CGNL1: variants seen among roughly 807,000 people sequenced by gnomAD.
CGNL1 encodes cingulin-like protein 1.
A neutral mutation model predicts 141.2 loss-of-function variants in CGNL1; 132 were observed. The observed-to-expected ratio is 0.93, with a 90% CI of 0.81 to 1.08. The LOEUF (loss-of-function observed/expected upper bound fraction) is 1.08, where lower values mean the gene tolerates loss of function less well. Ranked by LOEUF, CGNL1 falls within the 50% of genes least tolerant of loss-of-function variation. The pLI, the probability that CGNL1 is intolerant of heterozygous loss-of-function variation, is 0.00. For missense variants in CGNL1, 1,870 were observed against 1,588.6 expected (o/e 1.18, Z -3.01); for synonymous variants, 690 against 622.1 (o/e 1.11, Z -1.63).
chr15:57,467,751 G>A (rs1817388672), intron 8 of CGNL1, among the ~76,000 whole-genome samples: 1 of 135,004 alleles, frequency 7.4e-6, no homozygotes, highest in East Asian at 2.4e-4. Context: ...GTGCAATGGT[G>A]TGATCTTGAC....
chr15:57,403,240 G>C (rs1297947786), intron 1 of CGNL1, among the ~76,000 whole-genome samples: 1 of 152,184 alleles, frequency 6.6e-6, no homozygotes, highest in Non-Finnish European at 1.5e-5. Flanking sequence ...AGCTTTGTCA[G>C]CCAGGTTGAA....
chr15:57,404,830 A>T (rs1166895849), intron 1 of CGNL1, among the ~76,000 whole-genome samples: 1 of 152,190 alleles, frequency 6.6e-6, no homozygotes, highest in Non-Finnish European at 1.5e-5. Flanking sequence ...TTGGGAATCA[A>T]GTTCATGTGG....
chr15:57,482,574 C>T (rs1180112219), intron 8 of CGNL1, among the ~76,000 whole-genome samples: 1 of 152,126 alleles, frequency 6.6e-6, no homozygotes, highest in African/African-American at 2.4e-5. Context: ...GCTTTTGAAC[C>T]TCTGTAAAAG....
At chr15:57,465,935 G>T (rs1231694120) in intron 8 of CGNL1, among the ~76,000 whole-genome samples, 1 of 152,180 alleles carries the variant, frequency 6.6e-6, no homozygotes, top group Non-Finnish European at 1.5e-5. Context: ...CTGTAATAGT[G>T]TATTTTGTAA....
Position 57,473,340 on chromosome 15 carries a change from G to A in CGNL1, c.2403+11448G>A, listed in dbSNP as rs371595958. Among the ~76,000 whole-genome samples the A allele has an allele frequency of 2.1e-4, 32 of 152,236 alleles. 1 individual carries two copies. The highest frequency in any genetic ancestry group is 6.7e-4 in the African/African-American group (28 of 41,518). On this transcript the variant is annotated intron_variant, in intron 8 of 18. Transcript: ENST00000281282. ...TTTTTACTTGGTGGAAAAATTTGGC[G>A]TTATGATTTGATCACTTTAAGCAGA...
chr15:57,541,078 A>G (rs1269478095), intron 14 of CGNL1, among the ~76,000 whole-genome samples: 2 of 152,212 alleles, frequency 1.3e-5, no homozygotes, highest in African/African-American at 2.4e-5. Context: ...TTATTGTATC[A>G]TTGGCCAGCT....
At position 57,484,359 on chromosome 15, in the gene CGNL1, C is replaced by G. The variant is rs2063761969; in HGVS notation, c.2403+22467C>G. Among the ~76,000 whole-genome samples, 6 of 152,156 alleles carry G rather than the reference C, an allele frequency of 3.9e-5. No individual in the cohort carries two copies. In the South Asian group the frequency reaches 1.2e-3, roughly 32 times the overall value. Reference sequence around the variant, plus strand: ...AGTTTGTACTTTTTAAGGAATTGGTCTATTTCATCTAAGTTGTCAGATGTG... The same window carrying G: ...AGTTTGTACTTTTTAAGGAATTGGTGTATTTCATCTAAGTTGTCAGATGTG... On this transcript the variant is annotated intron_variant, in intron 8 of 18. Coordinates refer to ENST00000281282, the MANE Select transcript of CGNL1 (RefSeq NM_032866.5).
At chr15:57,426,868 G>A (rs2062981476) in intron 1 of CGNL1, among the ~76,000 whole-genome samples, 1 of 152,058 alleles carries the variant, frequency 6.6e-6, no homozygotes, top group Non-Finnish European at 1.5e-5. Context: ...CATATAATTT[G>A]AGGCTAACAG....
rs774899735 is a variant in CGNL1, at chr15:57,439,106, A to G, written c.1107A>G (p.Arg369=). 1.1e-5 allele frequency: 17 copies of G among 1,614,066 alleles called. No homozygotes were observed. The African/African-American group carries it at 2.3e-4, about 22-fold the overall frequency. ...KFDQKPGLQR[R]GRSGKRNRIN... ...ATCAAAAACCTGGGCTTCAGAGAAGAGGAAGGTCTGGGAAGCGAAACAGAA... is the reference window on the plus strand; with the variant it reads ...ATCAAAAACCTGGGCTTCAGAGAAGGGGAAGGTCTGGGAAGCGAAACAGAA... The change falls in exon 2 of 19, where the codon AGA becomes AGG. Residue 369 remains arginine, a synonymous_variant. Transcript: ENST00000281282.
intron 8 of CGNL1, among the ~76,000 whole-genome samples, chr15:57,504,578 T>C (rs28586985): frequency 0.018 from 2,718 of 152,296 alleles, 82 homozygotes; most frequent in African/African-American, 0.062. Flanking sequence ...AAGAAAAGCT[T>C]ATTTCTTGCT....
chr15:57,411,636 G>T (rs1286585748), intron 1 of CGNL1, among the ~76,000 whole-genome samples: 1 of 151,816 alleles, frequency 6.6e-6, no homozygotes, highest in African/African-American at 2.4e-5. Context: ...GTAGAGATGA[G>T]GTTTCACCAT....
rs1297950559 is a variant in CGNL1, at chr15:57,398,066, C to T, written c.-16+21499C>T. Among the ~76,000 whole-genome samples the T allele has an allele frequency of 2.6e-5, 4 of 152,146 alleles. No homozygotes were observed. The East Asian group carries it at 7.7e-4, about 29-fold the overall frequency. On this transcript the variant is annotated intron_variant, in intron 1 of 18. Coordinates refer to ENST00000281282, the MANE Select transcript of CGNL1 (RefSeq NM_032866.5). ...AAAGTGCTGGGATTACAGGCGTGAG[C>T]CACCATACCCAGCACCATTTAAATT...
intron 8 of CGNL1, among the ~76,000 whole-genome samples, chr15:57,467,433 G>A (rs1310344150): frequency 2.6e-5 from 4 of 152,134 alleles, no homozygotes; most frequent in African/African-American, 9.7e-5. Context: ...TTGTAGGTGG[G>A]AAAGTGAGAT....
Position 57,430,746 on chromosome 15 carries a change from G to A in CGNL1, c.-15-7239G>A, listed in dbSNP as rs2063035149. On this transcript the variant is annotated intron_variant, in intron 1 of 18. Coordinates refer to ENST00000281282, the MANE Select transcript of CGNL1 (RefSeq NM_032866.5). Reference sequence around the variant, plus strand: ...TCCACATTTTCTTTTTTGAGATGGAGTCTCACTCTGTTGCCCAGGCTGGAG... The same window carrying A: ...TCCACATTTTCTTTTTTGAGATGGAATCTCACTCTGTTGCCCAGGCTGGAG... 2.0e-5 allele frequency among the ~76,000 whole-genome samples: 3 copies of A among 152,234 alleles called. No individual in the cohort carries two copies. In the South Asian group the frequency reaches 6.2e-4, roughly 32 times the overall value.
Position 57,423,238 on chromosome 15 carries a change from G to A in CGNL1, c.-15-14747G>A, listed in dbSNP as rs565199696. 2.6e-5 allele frequency among the ~76,000 whole-genome samples: 4 copies of A among 152,072 alleles called. No individual in the cohort carries two copies. The East Asian group carries it at 7.7e-4, about 29-fold the overall frequency. ...GACAACAGGCAACAGCCAGAGGAAG[G>A]AAAAAAGTAATAGTCCATAAAATTA... On this transcript the variant is annotated intron_variant, in intron 1 of 18. Coordinates refer to ENST00000281282, the MANE Select transcript of CGNL1 (RefSeq NM_032866.5).
chr15:57,401,824 T>C (rs2062663681), intron 1 of CGNL1, among the ~76,000 whole-genome samples: 1 of 152,198 alleles, frequency 6.6e-6, no homozygotes, highest in South Asian at 2.1e-4. Context: ...GTGTACAGTG[T>C]GCCATGCCAA....
rs766278467 is a variant in CGNL1, at chr15:57,523,481, ATT to A, written c.2716-6_2716-5del. On this transcript the variant is annotated splice_polypyrimidine_tract_variant and splice_region_variant and intron_variant, in intron 10 of 18. Coordinates refer to ENST00000281282, the MANE Select transcript of CGNL1 (RefSeq NM_032866.5). ...GTGACAGCACTGTCCTTTCCCTGCCATTTGCAGGGAAATCTGAGTCAGACTAC... is the reference window on the plus strand; with the variant it reads ...GTGACAGCACTGTCCTTTCCCTGCCATGCAGGGAAATCTGAGTCAGACTAC... The A allele has an allele frequency of 3.2e-5, 52 of 1,613,902 alleles. No homozygotes were observed. The highest frequency in any genetic ancestry group is 4.2e-5 in the Non-Finnish European group (49 of 1,180,004).
chr15:57,546,359 G>A, intron 18 of CGNL1, 120 bp downstream of exon 18: 11 of 1,238,814 alleles, frequency 8.9e-6, no homozygotes, highest in African/African-American at 3.0e-5. Flanking sequence ...TGCTTTTGGG[G>A]TTATCGTATC....
At chr15:57,515,300 A>G (rs917292757) in intron 8 of CGNL1, among the ~76,000 whole-genome samples, 1 of 152,192 alleles carries the variant, frequency 6.6e-6, no homozygotes, top group African/African-American at 2.4e-5. Context: ...TGTTGTATAG[A>G]ATTAAACCTT....
Sources: allele counts gnomAD v4.1 joint callset (sites outside exome capture counted in the v4.1 genomes callset), GRCh38; gene constraint gnomAD v4.1.1; transcripts MANE v1.5; gene names NCBI Gene and HGNC (gene_info 2026-07-23, HGNC 2026-07-21).